CFAP74: variants seen among roughly 807,000 people sequenced by gnomAD.
The protein encoded by CFAP74 is cilia- and flagella-associated protein 74.
A neutral mutation model predicts 188.9 loss-of-function variants in CFAP74; 124 were observed. The ratio of observed to expected loss-of-function variants is 0.66; its 90% CI spans 0.57 to 0.76. CFAP74 has a LOEUF of 0.76. CFAP74 is among the 30% of genes least tolerant of loss of function. The pLI, the probability that CFAP74 is intolerant of heterozygous loss-of-function variation, is 0.00. For missense variants in CFAP74, 2,198 were observed against 2,165.2 expected (o/e 1.02, Z -0.30); for synonymous variants, 956 against 916.7 (o/e 1.04, Z -0.77).
intron 2 of CFAP74, among the ~76,000 whole-genome samples, chr1:1,989,223 A>G (rs1657433068): frequency 2.0e-5 from 3 of 152,118 alleles, no homozygotes; most frequent in Admixed American, 1.3e-4. Flanking sequence ...GCAAGGGCAC[A>G]GCACCGCTTG....
chr1:1,970,640 C>A lies in CFAP74; in HGVS notation c.1046+19G>T. 1 of 1,592,668 alleles carries A rather than the reference C, an allele frequency of 6.3e-7. No individual in the cohort carries two copies. The highest frequency in any genetic ancestry group is 2.3e-5 in the East Asian group (1 of 44,176). On this transcript the variant is annotated intron_variant, in intron 10 of 38. Coordinates refer to ENST00000682832, the MANE Select transcript of CFAP74 (RefSeq NM_001304360.2). ...ACTGGGCGGGTGCCTCCCGGTGGCA[C>A]CTCTGCCACCACCCTCACCTCTTCT...
At chr1:1,952,028 T>G (rs1299398210) in intron 18 of CFAP74, among the ~76,000 whole-genome samples, 1 of 152,214 alleles carries the variant, frequency 6.6e-6, no homozygotes, top group African/African-American at 2.4e-5. Context: ...CATAGCTCAC[T>G]GCAACCTCCA....
chr1:1,965,868 C>T (rs865879625), intron 12 of CFAP74, among the ~76,000 whole-genome samples: 2 of 152,358 alleles, frequency 1.3e-5, no homozygotes, highest in South Asian at 2.1e-4. Context: ...TGCCCTCCCA[C>T]GTGGGACAGG....
Position 1,968,587 on chromosome 1 carries a change from C to T in CFAP74, c.1245+48G>A. ...CACCTGAGCCCTGAGGCCCCACCTG[C>T]CCTCCACAGGTGTGCGGCTTCTGTC... is the stretch of plus-strand genomic sequence containing the variant. On this transcript the variant is annotated intron_variant, in intron 11 of 38. Transcript: ENST00000682832. The surrounding 1 kb of genome is among the most constrained non-coding windows in gnomAD (Gnocchi z 4.3). The T allele has an allele frequency of 6.8e-7, 1 of 1,467,026 alleles. No individual in the cohort carries two copies. Among genetic ancestry groups the T allele is most frequent in the Non-Finnish European group, 9.3e-7 (1 of 1,078,672 alleles). The allele number at this position is 1,467,026 out of a possible 1,614,324, so 90.9% of individuals were successfully genotyped here. A position where few individuals can be genotyped will look rare whatever the true frequency, so the allele number is the denominator to read the frequency against.
chr1:1,927,460 G>T, intron 28 of CFAP74, 147 bp downstream of exon 28: 1 of 779,718 alleles, frequency 1.3e-6, no homozygotes, highest in Non-Finnish European at 2.0e-6. Flanking sequence ...GCAGCACCTG[G>T]ATCCAGCTGT....
At chr1:1,939,571 C>T (rs1558003830) in intron 24 of CFAP74, 23 bp downstream of exon 24, 1 of 1,531,064 alleles carries the variant, frequency 6.5e-7, no homozygotes, top group Admixed American at 2.0e-5. Context: ...CCCTCTTACC[C>T]CAGGCCTGGC....
At chr1:1,972,796 C>A in intron 8 of CFAP74, 141 bp downstream of exon 8, 1 of 677,400 alleles carries the variant, frequency 1.5e-6, no homozygotes, top group Non-Finnish European at 2.6e-6. Flanking sequence ...GAGCCGAGAT[C>A]GCGCCACGGC....
At chr1:1,990,385 T>C (rs1364477010) in intron 2 of CFAP74, among the ~76,000 whole-genome samples, 1 of 60,664 alleles carries the variant, frequency 1.6e-5, no homozygotes, top group Non-Finnish European at 3.1e-5. Context: ...AGGGAGACAG[T>C]GGCGGGGGGC....
In CFAP74 at chr1:1,923,049, G is replaced by A; in HGVS notation, c.4619C>T (p.Ala1540Val). ...CTGCAGCTCTCGGGTGGCAGGTGGG[G>A]CTGGCGTGTCTGTGTCAAACTGGAT... ...DYIQFDTDTPAPPATRELQVG... is the reference protein window; with the variant it reads ...DYIQFDTDTPVPPATRELQVG... The change falls in exon 37 of 39, where the codon GCC becomes GTC. Residue 1540 changes from alanine to valine, a missense_variant. Physicochemically the swap from Ala to Val is moderately conservative, Grantham distance 64. Coordinates refer to ENST00000682832, the MANE Select transcript of CFAP74 (RefSeq NM_001304360.2). This position sits in a 1 kb window ranked among gnomAD's most constrained non-coding sequence, Gnocchi z 6.3. 1.2e-6 allele frequency: 2 copies of A among 1,608,234 alleles called. No individual in the cohort carries two copies. The highest frequency in any genetic ancestry group is 1.7e-6 in the Non-Finnish European group (2 of 1,178,662).
chr1:1,972,583 C>T (rs1204091418), intron 8 of CFAP74, among the ~76,000 whole-genome samples: 2 of 152,246 alleles, frequency 1.3e-5, no homozygotes, highest in Non-Finnish European at 2.9e-5. Flanking sequence ...CAGTGGCTCA[C>T]GCCTGTAATC....
intron 2 of CFAP74, among the ~76,000 whole-genome samples, chr1:1,990,266 G>C (rs531449176): frequency 6.6e-6 from 1 of 151,928 alleles, no homozygotes; most frequent in Non-Finnish European, 1.5e-5. Context: ...AGATTACAGC[G>C]GACTTCCGGC....
chr1:1,989,163 A>T (rs938975867), intron 2 of CFAP74, among the ~76,000 whole-genome samples, 190 bp from the exon 3 acceptor site: 4 of 151,992 alleles, frequency 2.6e-5, no homozygotes, highest in Non-Finnish European at 4.4e-5. Context: ...GCGCCTTGAG[A>T]GAGAGAGAGA....
chr1:1,927,375 G>A (rs1421785999), intron 28 of CFAP74: 4 of 580,064 alleles, frequency 6.9e-6, no homozygotes, highest in Middle Eastern at 4.6e-4. Flanking sequence ...TGGTGGCTTT[G>A]CTCCCCACCC....
intron 21 of CFAP74, among the ~76,000 whole-genome samples, chr1:1,943,494 C>T (rs1450546013): frequency 4.6e-5 from 7 of 152,256 alleles, no homozygotes; most frequent in East Asian, 1.9e-4. Flanking sequence ...ACACCCTGCT[C>T]CTTGGTGCTG....
intron 3 of CFAP74, 53 bp downstream of exon 3, chr1:1,988,829 CACCCCCA>C: frequency 4.7e-6 from 2 of 425,676 alleles, no homozygotes; most frequent in Non-Finnish European, 8.4e-6. Flanking sequence ...CCCACCCCCC[CACCCCCA>C]CCCCCACCCC....
intron 18 of CFAP74, among the ~76,000 whole-genome samples, chr1:1,951,422 C>A (rs796810908): frequency 1.3e-5 from 2 of 152,276 alleles, no homozygotes; most frequent in African/African-American, 4.8e-5. Flanking sequence ...TGTTCTTTCT[C>A]CAAGCAATTA....
chr1:1,924,001 A>G (rs999777828), intron 34 of CFAP74, 72 bp from the exon 35 acceptor site: 7 of 1,517,316 alleles, frequency 4.6e-6, no homozygotes, highest in Admixed American at 1.8e-5. Flanking sequence ...GCCTTGCTGC[A>G]TAGAGCTCTA....
chr1:1,979,527 AAC>A lies in CFAP74; in HGVS notation c.501-5331_501-5330del, dbSNP rs140802431. 8.9e-3 allele frequency among the ~76,000 whole-genome samples: 830 copies of A among 93,382 alleles called. 8 individuals are homozygous for A. The highest frequency in any genetic ancestry group is 0.013 in the East Asian group (35 of 2,770). The allele number at this position is 93,382 out of a possible 152,430, so 61.3% of individuals were successfully genotyped here. On this transcript the variant is annotated intron_variant, in intron 6 of 38. Coordinates refer to ENST00000682832, the MANE Select transcript of CFAP74 (RefSeq NM_001304360.2). ...GGCGTCACGTGACGAAGCTGCGCAG[AAC>A]ACGCGTGTGGTACTGAGCTGGGCGT...
intron 6 of CFAP74, among the ~76,000 whole-genome samples, chr1:1,976,674 C>G (rs1198008999): frequency 6.6e-6 from 1 of 152,194 alleles, no homozygotes; most frequent in Non-Finnish European, 1.5e-5. Flanking sequence ...TCTTGAATAG[C>G]TGGGATTACA....
Sources: gnomAD v4.1 joint callset for allele counts (sites outside exome capture counted in the v4.1 genomes callset) on GRCh38, gnomAD v4.1.1 for gene constraint, Gnocchi (gnomAD v3.1) non-coding constraint, MANE v1.5 for transcripts, NCBI Gene and HGNC (gene_info 2026-07-23, HGNC 2026-07-21) for gene names.